The following ASCL1 variants were observed in gnomAD, a reference collection of about 807,000 sequenced individuals.
ASCL1 encodes achaete-scute family bHLH transcription factor 1.
In ASCL1, 2 loss-of-function variants were observed where a neutral mutation model predicts 16.1. The ratio of observed to expected loss-of-function variants is 0.12; its 90% CI spans 0.05 to 0.39. The LOEUF (loss-of-function observed/expected upper bound fraction) is 0.39, where lower values mean the gene tolerates loss of function less well. ASCL1 is among the 10% of genes least tolerant of loss of function. The pLI is 0.99. For synonymous variants in ASCL1, 165 were observed against 155.7 expected (o/e 1.06, Z -0.45); for missense variants, 276 against 336.9 (o/e 0.82, Z 1.41).
In ASCL1 at chr12:102,958,999, G is replaced by A. The variant is rs373926773; in HGVS notation, c.*44G>A. ...GCCCTGGTGCGAATGGACTTTGGAA[G>A]CAGGTAGGTTGCATTTTGGGGTGGG... is the stretch of plus-strand genomic sequence containing the variant. On this transcript the variant is annotated 3_prime_UTR_variant, in exon 1 of 2. Coordinates refer to ENST00000266744, the MANE Select transcript of ASCL1 (RefSeq NM_004316.4). 73 of 1,612,642 alleles carry A rather than the reference G, an allele frequency of 4.5e-5. 1 individual carries two copies. In the African/African-American group the frequency reaches 8.0e-4, roughly 18 times the overall value.
rs1216198792 is a variant in ASCL1 at position 102,959,913 on chromosome 12, C to T, written c.*599C>T. On this transcript the variant is annotated 3_prime_UTR_variant, in exon 2 of 2. Transcript: ENST00000266744. Reference sequence around the variant, plus strand: ...CCTCCAGGGCCCGATTCCCAAACCCCATGGCTTCCCTCACACTGTCTTTTC... The same window carrying T: ...CCTCCAGGGCCCGATTCCCAAACCCTATGGCTTCCCTCACACTGTCTTTTC... 2 of 152,432 alleles carry T rather than the reference C, an allele frequency of 1.3e-5. No homozygotes were observed. The highest frequency in any genetic ancestry group is 2.9e-5 in the Non-Finnish European group (2 of 68,034). 9.4% of individuals were successfully genotyped at this position (152,432 alleles called of 1,614,324 possible).
chr12:102,958,300 A>G lies in ASCL1; in HGVS notation c.56A>G (p.Gln19Arg). Residue 19 changes from glutamine to arginine, a missense_variant, in exon 1 of 2, where the codon CAG (glutamine) becomes CGG (arginine). Transcript: ENST00000266744. ...GGCGCCGGCCAGCAGCCCCAGCCGCAGCCCCAGCAGCCCTTCCTGCCGCCC... is the reference window on the plus strand; with the variant it reads ...GGCGCCGGCCAGCAGCCCCAGCCGCGGCCCCAGCAGCCCTTCCTGCCGCCC... Reference protein sequence around the residue: ...SGGAGQQPQPQPQQPFLPPAA... With the variant: ...SGGAGQQPQPRPQQPFLPPAA... 2 of 1,476,720 alleles carry G rather than the reference A, an allele frequency of 1.4e-6. No homozygotes were observed. Among genetic ancestry groups the G allele is most frequent in the Non-Finnish European group, 1.8e-6 (2 of 1,119,366 alleles). 91.5% of individuals were successfully genotyped at this position (1,476,720 alleles called of 1,614,324 possible).
In ASCL1 at chr12:102,960,102, A is replaced by G. The variant is rs1472564213; in HGVS notation, c.*788A>G. The G allele has an allele frequency of 6.6e-6, 1 of 152,662 alleles. No individual in the cohort carries two copies. The highest frequency in any genetic ancestry group is 2.4e-5 in the African/African-American group (1 of 41,454). The allele number at this position is 152,662 out of a possible 1,614,324, so 9.5% of individuals were successfully genotyped here. On this transcript the variant is annotated 3_prime_UTR_variant, in exon 2 of 2. Transcript: ENST00000266744. ...AGAAGTTTTGTACAAATGGTTTAAA[A>G]TGTGTATATCTTGATACTTTAACAT... is the stretch of plus-strand genomic sequence containing the variant.
Position 102,958,804 on chromosome 12 carries a change from G to A in ASCL1, c.560G>A (p.Gly187Asp). 1 of 1,613,972 alleles carries A rather than the reference G, an allele frequency of 6.2e-7. No individual in the cohort carries two copies. The highest frequency in any genetic ancestry group is 8.5e-7 in the Non-Finnish European group (1 of 1,179,920). ...HDAVSAAFQAGVLSPTISPNY... is the reference protein window; with the variant it reads ...HDAVSAAFQADVLSPTISPNY... ...GCGGTGAGCGCCGCCTTCCAGGCAG[G>A]CGTCCTGTCGCCCACCATCTCCCCC... The change falls in exon 1 of 2, where the codon GGC becomes GAC. Residue 187 changes from glycine to aspartate, a missense_variant. Gly to Asp is a moderately conservative substitution (Grantham distance 94, BLOSUM62 -1). This residue lies in a region of ASCL1 where 68 missense variants were observed against 86.7 expected (regional missense o/e 0.78). Transcript: ENST00000266744.
chr12:102,957,917 TC>T lies in ASCL1; in HGVS notation c.-327del, dbSNP rs1873625642. 8.4e-6 allele frequency: 2 copies of T among 238,056 alleles called. No individual in the cohort carries two copies. Among genetic ancestry groups the T allele is most frequent in the African/African-American group, 4.5e-5 (2 of 44,146 alleles). 14.7% of individuals were successfully genotyped at this position (238,056 alleles called of 1,614,324 possible). A position where few individuals can be genotyped will look rare whatever the true frequency, so the allele number is the denominator to read the frequency against. ...TTGCTGCTGCTTCTGCTTTTTTTTT[TC>T]TTAGAAACAAGAAGGCGCCAGCGGC... On this transcript the variant is annotated 5_prime_UTR_variant, in exon 1 of 2. Transcript: ENST00000266744. This position sits in a 1 kb window ranked among gnomAD's most constrained non-coding sequence, Gnocchi z 4.1.
rs984517561 is a variant in ASCL1, at chr12:102,960,498, T to C, written c.*1184T>C. The C allele has an allele frequency of 1.3e-5, 2 of 152,644 alleles. No homozygotes were observed. Among genetic ancestry groups the C allele is most frequent in the Non-Finnish European group, 2.9e-5 (2 of 68,054 alleles). The allele number at this position is 152,644 out of a possible 1,614,324, so 9.5% of individuals were successfully genotyped here. A position where few individuals can be genotyped will look rare whatever the true frequency, so the allele number is the denominator to read the frequency against. On this transcript the variant is annotated 3_prime_UTR_variant, in exon 2 of 2. Transcript: ENST00000266744. ...TAGTTTCGTAATAAAACTTTTTCCT[T>C]TTTTTAAAATGAAAATAATCAGCTG...
chr12:102,958,259 C>T lies in ASCL1; in HGVS notation c.15C>T (p.Ala5=). The T allele has an allele frequency of 6.8e-7, 1 of 1,474,850 alleles. No homozygotes were observed. Among genetic ancestry groups the T allele is most frequent in the Non-Finnish European group, 8.9e-7 (1 of 1,117,510 alleles). 91.4% of individuals were successfully genotyped at this position (1,474,850 alleles called of 1,614,324 possible). The change falls in exon 1 of 2, where the codon GCC becomes GCT. Residue 5 remains alanine, a synonymous_variant. Transcript: ENST00000266744. ...CGCCGCTGCGCATGGAAAGCTCTGCCAAGATGGAGAGCGGCGGCGCCGGCC... is the reference window on the plus strand; with the variant it reads ...CGCCGCTGCGCATGGAAAGCTCTGCTAAGATGGAGAGCGGCGGCGCCGGCC... MESS[A]KMESGGAGQQ...
rs931355471 is a variant in ASCL1, at chr12:102,958,346, G to A, written c.102G>A (p.Thr34=). 3 of 1,435,444 alleles carry A rather than the reference G, an allele frequency of 2.1e-6. No individual in the cohort carries two copies. The highest frequency in any genetic ancestry group is 2.9e-5 in the Admixed American group (1 of 34,600). 88.9% of individuals were successfully genotyped at this position (1,435,444 alleles called of 1,614,324 possible). ...CGCCCGCAGCCTGTTTCTTTGCCAC[G>A]GCCGCAGCCGCGGCGGCCGCAGCCG... is the stretch of plus-strand genomic sequence containing the variant. ...FLPPAACFFA[T]AAAAAAAAAA... The change falls in exon 1 of 2, where the codon ACG becomes ACA. Residue 34 remains threonine (T), a synonymous_variant. Coordinates refer to ENST00000266744, the MANE Select transcript of ASCL1 (RefSeq NM_004316.4).
In ASCL1 at chr12:102,958,996, G is replaced by C. The variant is rs1880033415; in HGVS notation, c.*41G>C. On this transcript the variant is annotated 3_prime_UTR_variant, in exon 1 of 2. Transcript: ENST00000266744. ...CAGGCCCTGGTGCGAATGGACTTTG[G>C]AAGCAGGTAGGTTGCATTTTGGGGT... 6.2e-7 allele frequency: 1 copy of C among 1,612,668 alleles called. No individual in the cohort carries two copies. Among genetic ancestry groups the C allele is most frequent in the African/African-American group, 1.3e-5 (1 of 74,954 alleles).
chr12:102,960,370 G>C lies in ASCL1; in HGVS notation c.*1056G>C, dbSNP rs111534683. On this transcript the variant is annotated 3_prime_UTR_variant, in exon 2 of 2. Coordinates refer to ENST00000266744, the MANE Select transcript of ASCL1 (RefSeq NM_004316.4). ...CCAAACTCAAAGTGGCAGCCAGTTGGTTTTGATAGGTTGCCTTTTGGAGAT... is the reference window on the plus strand; with the variant it reads ...CCAAACTCAAAGTGGCAGCCAGTTGCTTTTGATAGGTTGCCTTTTGGAGAT... 1 of 151,878 alleles carries C rather than the reference G, an allele frequency of 6.6e-6. No individual in the cohort carries two copies. Among genetic ancestry groups the C allele is most frequent in the Non-Finnish European group, 1.5e-5 (1 of 67,936 alleles). The allele number at this position is 151,878 out of a possible 1,614,324, so 9.4% of individuals were successfully genotyped here. A position where few individuals can be genotyped will look rare whatever the true frequency, so the allele number is the denominator to read the frequency against.
rs966241049 is a variant in ASCL1, at chr12:102,959,894, G to A, written c.*580G>A. 4.6e-5 allele frequency: 7 copies of A among 152,256 alleles called. No homozygotes were observed. Among genetic ancestry groups the A allele is most frequent in the African/African-American group, 1.7e-4 (7 of 41,370 alleles). The allele number at this position is 152,256 out of a possible 1,614,324, so 9.4% of individuals were successfully genotyped here. On this transcript the variant is annotated 3_prime_UTR_variant, in exon 2 of 2. Transcript: ENST00000266744. ...CCTTTGAAACTCTGCTTCTCCTCCA[G>A]GGCCCGATTCCCAAACCCCATGGCT...
At position 102,958,572 on chromosome 12, in the gene ASCL1, T is replaced by C. The variant is rs760531157; in HGVS notation, c.328T>C (p.Tyr110His). The change falls in exon 1 of 2, where the codon TAC becomes CAC. Residue 110 changes from tyrosine (Y) to histidine (H), a missense_variant. Transcript: ENST00000266744. ...KRRLNFSGFG[Y>H]SLPQQQPAAV... Reference sequence around the variant, plus strand: ...CCGGCTCAACTTCAGCGGCTTTGGCTACAGCCTGCCGCAGCAGCAGCCGGC... The same window carrying C: ...CCGGCTCAACTTCAGCGGCTTTGGCCACAGCCTGCCGCAGCAGCAGCCGGC... 1 of 1,609,982 alleles carries C rather than the reference T, an allele frequency of 6.2e-7. No individual in the cohort carries two copies. Among genetic ancestry groups the C allele is most frequent in the South Asian group, 1.1e-5 (1 of 90,832 alleles).
At position 102,958,435 on chromosome 12, in the gene ASCL1, C is replaced by T; in HGVS notation, c.191C>T (p.Pro64Leu). The change falls in exon 1 of 2, where the codon CCG (proline) becomes CTG (leucine). Residue 64 changes from proline to leucine, a missense_variant. Transcript: ENST00000266744. ...CAGCAGCAGCAGCAGCAGCAGGCGC[C>T]GCAGCTGAGACCGGCGGCCGACGGC... ...QQQQQQQQQA[P>L]QLRPAADGQP... is the part of the protein sequence containing the mutation. 2 of 1,539,184 alleles carry T rather than the reference C, an allele frequency of 1.3e-6. No individual in the cohort carries two copies. The highest frequency in any genetic ancestry group is 1.7e-6 in the Non-Finnish European group (2 of 1,143,196).
rs748691438 is a variant in ASCL1, at chr12:102,958,331, C to G, written c.87C>G (p.Ala29=). 1 of 1,466,874 alleles carries G rather than the reference C, an allele frequency of 6.8e-7. No individual in the cohort carries two copies. Among genetic ancestry groups the G allele is most frequent in the Non-Finnish European group, 9.0e-7 (1 of 1,114,240 alleles). The allele number at this position is 1,466,874 out of a possible 1,614,324, so 90.9% of individuals were successfully genotyped here. A position where few individuals can be genotyped will look rare whatever the true frequency, so the allele number is the denominator to read the frequency against. Residue 29 remains alanine (A), a synonymous_variant, in exon 1 of 2, where the codon GCC becomes GCG. Transcript: ENST00000266744. ...AGCAGCCCTTCCTGCCGCCCGCAGC[C>G]TGTTTCTTTGCCACGGCCGCAGCCG... ...QPQQPFLPPA[A]CFFATAAAAA... is the part of the protein sequence containing the mutation.
Position 102,957,901 on chromosome 12 carries a change from C to T in ASCL1, c.-344C>T, listed in dbSNP as rs1354790810. On this transcript the variant is annotated 5_prime_UTR_variant, in exon 1 of 2. Coordinates refer to ENST00000266744, the MANE Select transcript of ASCL1 (RefSeq NM_004316.4). This position sits in a 1 kb window ranked among gnomAD's most constrained non-coding sequence, Gnocchi z 4.1. ...CGTTCAGCACTGACTTTTGCTGCTGCTTCTGCTTTTTTTTTTCTTAGAAAC... is the reference window on the plus strand; with the variant it reads ...CGTTCAGCACTGACTTTTGCTGCTGTTTCTGCTTTTTTTTTTCTTAGAAAC... 4.6e-6 allele frequency: 1 copy of T among 217,370 alleles called. No homozygotes were observed. Among genetic ancestry groups the T allele is most frequent in the African/African-American group, 2.3e-5 (1 of 43,624 alleles). The allele number at this position is 217,370 out of a possible 1,614,324, so 13.5% of individuals were successfully genotyped here. A position where few individuals can be genotyped will look rare whatever the true frequency, so the allele number is the denominator to read the frequency against.
Position 102,958,445 on chromosome 12 carries a change from AC to A in ASCL1, c.203del (p.Pro68ArgfsTer29). 1 of 1,554,578 alleles carries A rather than the reference AC, an allele frequency of 6.4e-7. No homozygotes were observed. The highest frequency in any genetic ancestry group is 8.7e-7 in the Non-Finnish European group (1 of 1,151,566). ...AGCAGCAGCAGGCGCCGCAGCTGAG[AC>A]CGGCGGCCGACGGCCAGCCCTCAGG... is the stretch of plus-strand genomic sequence containing the variant. ...QQQQQAPQLR[P>X]AADGQPSGGG... is the part of the protein sequence containing the mutation. On this transcript the variant is annotated frameshift_variant, in exon 1 of 2. Transcript: ENST00000266744. LOFTEE classifies it high-confidence loss of function.
rs1158835548 is a variant in ASCL1 at position 102,958,828 on chromosome 12, C to T, written c.584C>T (p.Pro195Leu). ...QAGVLSPTIS[P>L]NYSNDLNSMA... ...GGCGTCCTGTCGCCCACCATCTCCC[C>T]CAACTACTCCAACGACTTGAACTCC... The change falls in exon 1 of 2, where the codon CCC becomes CTC. Residue 195 changes from proline to leucine, a missense_variant. Coordinates refer to ENST00000266744, the MANE Select transcript of ASCL1 (RefSeq NM_004316.4). The T allele has an allele frequency of 6.2e-7, 1 of 1,613,894 alleles. No homozygotes were observed. Among genetic ancestry groups the T allele is most frequent in the Non-Finnish European group, 8.5e-7 (1 of 1,179,858 alleles).
At position 102,958,550 on chromosome 12, in the gene ASCL1, G is replaced by A; in HGVS notation, c.306G>A (p.Arg102=). ...SSPELMRCKR[R]LNFSGFGYSL... ...CCGAACTGATGCGCTGCAAACGCCG[G>A]CTCAACTTCAGCGGCTTTGGCTACA... is the stretch of plus-strand genomic sequence containing the variant. Residue 102 remains arginine (R), a synonymous_variant, in exon 1 of 2, where the codon CGG becomes CGA. Transcript: ENST00000266744. 2 of 1,610,220 alleles carry A rather than the reference G, an allele frequency of 1.2e-6. No individual in the cohort carries two copies.
At position 102,958,213 on chromosome 12, in the gene ASCL1, C is replaced by G; in HGVS notation, c.-32C>G. 2 of 1,452,734 alleles carry G rather than the reference C, an allele frequency of 1.4e-6. No individual in the cohort carries two copies. Among genetic ancestry groups the G allele is most frequent in the Non-Finnish European group, 1.8e-6 (2 of 1,105,904 alleles). 90.0% of individuals were successfully genotyped at this position (1,452,734 alleles called of 1,614,324 possible). On this transcript the variant is annotated 5_prime_UTR_variant, in exon 1 of 2. Coordinates refer to ENST00000266744, the MANE Select transcript of ASCL1 (RefSeq NM_004316.4). Reference sequence around the variant, plus strand: ...CCCGCACCTCGCGTCCCGGATCGCTCTGATTCCGCGACTCCTTGGCCGCCG... The same window carrying G: ...CCCGCACCTCGCGTCCCGGATCGCTGTGATTCCGCGACTCCTTGGCCGCCG...
Sources: gnomAD v4.1 joint callset for allele counts on GRCh38, gnomAD v4.1.1 for gene constraint, gnomAD v4.1.1 regional missense constraint, Gnocchi (gnomAD v3.1) non-coding constraint, MANE v1.5 for transcripts, NCBI Gene and HGNC (gene_info 2026-07-23, HGNC 2026-07-21) for gene names.